Variants in NBPF6 observed in about 807,000 individuals in gnomAD.
NBPF6 encodes NBPF family member NBPF6.
In NBPF6, 2 loss-of-function variants were observed where a neutral mutation model predicts 20.8. The observed-to-expected ratio is 0.10, with a 90% CI of 0.04 to 0.30. The LOEUF is 0.30. Among genes scored for constraint, NBPF6 ranks in the 10% least tolerant of loss-of-function variants. NBPF6 has a pLI of 1.00. For synonymous variants in NBPF6, 24 were observed against 100.0 expected, an observed-to-expected ratio of 0.24 and a Z score of 4.53; for missense variants, 85 against 260.3, an observed-to-expected ratio of 0.33 and a Z score of 4.63.
Position 108,467,639 on chromosome 1 carries a change from G to A in NBPF6, c.1849G>A (p.Ala617Thr), listed in dbSNP as rs139572545. ...CAAGTGGAGACTGGCATTCAGATTC[G>A]CTGGCCCGCATGCTGAGAGTGCAGA... Reference protein sequence around the residue: ...FSKWRLAFRFAGPHAESAEIP... With the variant: ...FSKWRLAFRFTGPHAESAEIP... Residue 617 changes from alanine to threonine, a missense_variant, in exon 14 of 15, where the codon GCT (alanine) becomes ACT (threonine). Physicochemically the swap from Ala to Thr is moderately conservative, Grantham distance 58. Transcript: ENST00000495380. The A allele has an allele frequency of 0.011, 16,413 of 1,548,182 alleles. 678 individuals are homozygous for A. In the African/African-American group the frequency reaches 0.2, roughly 19 times the overall value.
At chr1:108,449,642 G>C (rs1245615829), upstream of NBPF6, among the ~76,000 whole-genome samples, 1 of 1,238 alleles carries the variant, frequency 8.1e-4, no homozygotes, top group African/African-American at 9.0e-4. Context: ...GCTATTTTGG[G>C]ACGAGAATGA....
At chr1:108,437,820 C>G in the NBPF6 span, among the ~76,000 whole-genome samples, 4 of 21,430 alleles carry the variant, frequency 1.9e-4, no homozygotes, top group East Asian at 4.3e-3. Context: ...AGAGGGAGGG[C>G]AGGGGAGGGG....
the NBPF6 span, among the ~76,000 whole-genome samples, chr1:108,441,639 A>G: frequency 1.2e-3 from 77 of 63,222 alleles, 7 homozygotes; most frequent in Admixed American, 2.7e-3. Context: ...TAAAATTGAG[A>G]TGTGAAAATG....
upstream of NBPF6, among the ~76,000 whole-genome samples, chr1:108,449,415 ACTATATATATATATATATATAT>A (rs1267733572): frequency 2.1e-4 from 2 of 9,602 alleles, no homozygotes; most frequent in Admixed American, 2.9e-3. Context: ...TGTTAGAACA[ACTATATATATATATATATATAT>A]ATATATATAT....
At chr1:108,437,801 G>T in the NBPF6 span, among the ~76,000 whole-genome samples, 1 of 31,496 alleles carries the variant, frequency 3.2e-5, no homozygotes, top group African/African-American at 8.0e-5. Flanking sequence ...GGAGGGAGGG[G>T]AGGGGAGGAG....
intron 14 of NBPF6, among the ~76,000 whole-genome samples, chr1:108,468,198 A>G (rs1428171790): frequency 6.6e-6 from 1 of 151,328 alleles, no homozygotes; most frequent in Non-Finnish European, 1.5e-5. Context: ...CCCCCCTAGG[A>G]AACTAAACTA....
chr1:108,471,892 C>G lies in NBPF6; in HGVS notation c.*1254C>G, dbSNP rs1254814163. Among the ~76,000 whole-genome samples, 1 of 151,996 alleles carries G rather than the reference C, an allele frequency of 6.6e-6. No individual in the cohort carries two copies. The highest frequency in any genetic ancestry group is 2.4e-5 in the African/African-American group (1 of 41,334). On this transcript the variant is annotated 3_prime_UTR_variant, in exon 15 of 15. Transcript: ENST00000495380. ...GGATAAGAATATAGATTAATAAAAA[C>G]ATTCTTATTTACCTGTTTATATTCT...
intron 3 of NBPF6, among the ~76,000 whole-genome samples, chr1:108,452,529 A>ATTTG (rs1652895605): frequency 1.6e-5 from 1 of 63,304 alleles, no homozygotes; most frequent in African/African-American, 4.4e-5. Flanking sequence ...TTGAGGTAAA[A>ATTTG]TTTGCATAAC....
rs2995755 is a variant in NBPF6, at chr1:108,471,029, A to C, written c.*391A>C. The C allele has an allele frequency of 5.9e-4, 102 of 173,916 alleles. 1 individual carries two copies. The East Asian group carries it at 7.5e-3, about 13-fold the overall frequency. The allele number at this position is 173,916 out of a possible 1,614,324, so 10.8% of individuals were successfully genotyped here. On this transcript the variant is annotated 3_prime_UTR_variant, in exon 15 of 15. Transcript: ENST00000495380. ...AAACGTTTAGCCTGAGTTTCATAGG[A>C]GGTAACCCTCAGATAACTGCAGAAT...
At chr1:108,428,243 A>T in the NBPF6 span, among the ~76,000 whole-genome samples, 1 of 21,906 alleles carries the variant, frequency 4.6e-5, no homozygotes, top group African/African-American at 7.5e-5. Flanking sequence ...ACCAGCTCCT[A>T]GATTTGTTGA....
chr1:108,465,102 G>A, intron 12 of NBPF6, 86 bp from the exon 13 acceptor site: 1 of 464,584 alleles, frequency 2.2e-6, no homozygotes, highest in South Asian at 1.9e-5. Context: ...TTTACTGAGA[G>A]CAGGGACATC....
the NBPF6 span, among the ~76,000 whole-genome samples, chr1:108,435,902 TACA>T: frequency 2.4e-5 from 2 of 84,238 alleles, no homozygotes; most frequent in Non-Finnish European, 6.0e-5. Context: ...TCTAGCAGGA[TACA>T]ACGTCAATAT....
chr1:108,468,309 G>T lies in NBPF6; in HGVS notation c.1875+644G>T, dbSNP rs560276084. On this transcript the variant is annotated intron_variant, in intron 14 of 14. Coordinates refer to ENST00000495380, the MANE Select transcript of NBPF6 (RefSeq NM_001143988.2). ...TGCCAACGTGGATGGAGTTGCCAGG[G>T]TCTCAGTGTTCTCACCTCATGGACT... Among the ~76,000 whole-genome samples, 528 of 145,152 alleles carry T rather than the reference G, an allele frequency of 3.6e-3. 1 individual carries two copies. The highest frequency in any genetic ancestry group is 0.013 in the African/African-American group (511 of 38,516).
chr1:108,436,592 C>CAAAAA, the NBPF6 span, among the ~76,000 whole-genome samples: 17 of 16,296 alleles, frequency 1.0e-3, no homozygotes, highest in African/African-American at 1.1e-3. Flanking sequence ...GGCTCTGTCT[C>CAAAAA]AAAAAAAAAA....
At chr1:108,470,480 T>A (rs1017138122) in intron 14 of NBPF6, 117 bp from the exon 15 acceptor site, 43 of 961,586 alleles carry the variant, frequency 4.5e-5, no homozygotes, top group Non-Finnish European at 6.0e-5. Context: ...CTCCAGCTCA[T>A]CCTCCCAGCA....
In NBPF6 at chr1:108,470,733, A is replaced by C. The variant is rs537691423; in HGVS notation, c.*95A>C. 1.5e-4 allele frequency: 138 copies of C among 896,350 alleles called. No homozygotes were observed. The African/African-American group carries it at 2.0e-3, about 13-fold the overall frequency. The allele number at this position is 896,350 out of a possible 1,614,324, so 55.5% of individuals were successfully genotyped here. A position where few individuals can be genotyped will look rare whatever the true frequency, so the allele number is the denominator to read the frequency against. On this transcript the variant is annotated 3_prime_UTR_variant, in exon 15 of 15. Coordinates refer to ENST00000495380, the MANE Select transcript of NBPF6 (RefSeq NM_001143988.2). ...AAACACAATACTGCAGGGGTCCTTC[A>C]CTGAGGATTGAATTTCAGACACAGA...
Position 108,452,237 on chromosome 1 carries a change from C to G in NBPF6, c.226C>G (p.Leu76Val). Residue 76 changes from leucine (L) to valine (V), a missense_variant, in exon 3 of 15, where the codon CTG becomes GTG. Leu to Val is a conservative substitution (Grantham distance 32). This residue lies in a region of NBPF6 where 43 missense variants were observed against 97.3 expected (regional missense o/e 0.44). Coordinates refer to ENST00000495380, the MANE Select transcript of NBPF6 (RefSeq NM_001143988.2). The stretch of plus-strand genomic sequence containing the variant: ...CATAGACTCTGTGCTGAGGGATGAA[C>G]TGCAGTCCATGGAGAAGCTGGCAGA... ...DIIDSVLRDE[L>V]QSMEKLAEKL... The G allele has an allele frequency of 1.6e-6, 1 of 610,260 alleles. No homozygotes were observed. Among genetic ancestry groups the G allele is most frequent in the Non-Finnish European group, 2.6e-6 (1 of 379,304 alleles). 37.8% of individuals were successfully genotyped at this position (610,260 alleles called of 1,614,324 possible).
In NBPF6 at chr1:108,470,654, A is replaced by G. The variant is rs1459010405; in HGVS notation, c.*16A>G. 4 of 1,554,944 alleles carry G rather than the reference A, an allele frequency of 2.6e-6. No individual in the cohort carries two copies. The highest frequency in any genetic ancestry group is 2.4e-5 in the South Asian group (2 of 84,042). ...GATAGGATGAAAGAATGTCACAAAA[A>G]GCAGCTTTTCCACTTGATAAAAACA... On this transcript the variant is annotated 3_prime_UTR_variant, in exon 15 of 15. Coordinates refer to ENST00000495380, the MANE Select transcript of NBPF6 (RefSeq NM_001143988.2).
In NBPF6 at chr1:108,471,684, C is replaced by T. The variant is rs1653483408; in HGVS notation, c.*1046C>T. Among the ~76,000 whole-genome samples the T allele has an allele frequency of 6.6e-6, 1 of 152,154 alleles. No individual in the cohort carries two copies. Among genetic ancestry groups the T allele is most frequent in the Non-Finnish European group, 1.5e-5 (1 of 68,016 alleles). ...CTATGTACTTGTTTTTGCTGGCATTCTGTCGTAAAAAGGAACATTCCCTGC... is the reference window on the plus strand; with the variant it reads ...CTATGTACTTGTTTTTGCTGGCATTTTGTCGTAAAAAGGAACATTCCCTGC... On this transcript the variant is annotated 3_prime_UTR_variant, in exon 15 of 15. Coordinates refer to ENST00000495380, the MANE Select transcript of NBPF6 (RefSeq NM_001143988.2).
Sources: allele counts gnomAD v4.1 joint callset (sites outside exome capture counted in the v4.1 genomes callset), GRCh38; gene constraint gnomAD v4.1.1; regional missense constraint gnomAD v4.1.1; transcripts MANE v1.5; gene names NCBI Gene and HGNC (gene_info 2026-07-23, HGNC 2026-07-21).